Variants in ELMO1 observed in about 807,000 individuals in gnomAD.
ELMO1 encodes the protein engulfment and cell motility 1.
A neutral mutation model predicts 98.9 loss-of-function variants in ELMO1; 26 were observed. The observed-to-expected ratio is 0.26, with a 90% CI of 0.19 to 0.36. The LOEUF (loss-of-function observed/expected upper bound fraction) is 0.36, where lower values mean the gene tolerates loss of function less well. Ranked by LOEUF, ELMO1 falls within the 10% of genes least tolerant of loss-of-function variation. The pLI is 1.00. For missense variants in ELMO1, 627 were observed against 935.2 expected, an observed-to-expected ratio of 0.67 and a Z score of 4.30; for synonymous variants, 346 against 346.0, an observed-to-expected ratio of 1.00 and a Z score of 0.00.
intron 14 of ELMO1, among the ~76,000 whole-genome samples, chr7:37,113,559 C>A (rs1436745134): frequency 6.6e-6 from 1 of 152,036 alleles, no homozygotes; most frequent in Non-Finnish European, 1.5e-5. Context: ...GGAACAGATT[C>A]CTAGGAGAGA....
chr7:37,362,692 A>T (rs1047358259), intron 1 of ELMO1, among the ~76,000 whole-genome samples: 5 of 152,102 alleles, frequency 3.3e-5, no homozygotes, highest in African/African-American at 1.2e-4. Context: ...CAAATTTAAC[A>T]TATCAAAAAC....
intron 10 of ELMO1, 62 bp from the exon 11 acceptor site, chr7:37,216,757 C>T (rs1466001875): frequency 4.6e-5 from 73 of 1,575,676 alleles, no homozygotes; most frequent in Non-Finnish European, 6.1e-5. Flanking sequence ...TCGACATGGC[C>T]AAAAATGACC....
At chr7:36,883,306 A>G (rs1804644700) in intron 18 of ELMO1, among the ~76,000 whole-genome samples, 1 of 152,210 alleles carries the variant, frequency 6.6e-6, no homozygotes, top group Non-Finnish European at 1.5e-5. Flanking sequence ...AGGCCATTCA[A>G]TGCAAGTGAT....
chr7:36,987,441 G>A (rs545411957), intron 16 of ELMO1, among the ~76,000 whole-genome samples: 2 of 152,192 alleles, frequency 1.3e-5, no homozygotes, highest in Admixed American at 1.3e-4. Context: ...GTCACAGAAG[G>A]CACCGATTTG....
At chr7:37,098,515 G>A (rs1054709068) in intron 14 of ELMO1, among the ~76,000 whole-genome samples, 2 of 152,226 alleles carry the variant, frequency 1.3e-5, no homozygotes, top group Non-Finnish European at 2.9e-5. Context: ...ACCTTGCTAT[G>A]TCAAGGTATG....
chr7:37,369,834 G>A (rs752336843), intron 1 of ELMO1, among the ~76,000 whole-genome samples: 5 of 152,170 alleles, frequency 3.3e-5, no homozygotes, highest in South Asian at 2.1e-4. Flanking sequence ...CTCAGAAAAC[G>A]CCCTGAAATA....
intron 16 of ELMO1, among the ~76,000 whole-genome samples, chr7:37,011,989 G>T (rs1030454309): frequency 6.6e-6 from 1 of 152,146 alleles, no homozygotes; most frequent in African/African-American, 2.4e-5. Context: ...AATCAAGCCT[G>T]TCCTCCGGCA....
chr7:37,391,051 CCTT>C (rs1803054088), intron 1 of ELMO1, among the ~76,000 whole-genome samples: 1 of 149,208 alleles, frequency 6.7e-6, no homozygotes, highest in Non-Finnish European at 1.5e-5. Context: ...TTCCTTCCTT[CCTT>C]CCTTCCTCCC....
chr7:37,286,693 G>A (rs1797406780), intron 4 of ELMO1, among the ~76,000 whole-genome samples: 1 of 152,150 alleles, frequency 6.6e-6, no homozygotes, highest in African/African-American at 2.4e-5. Context: ...CTCAGGCAGA[G>A]GAAATAAATA....
intron 1 of ELMO1, among the ~76,000 whole-genome samples, chr7:37,432,040 C>T (rs1241595888): frequency 6.6e-6 from 1 of 152,152 alleles, no homozygotes; most frequent in Non-Finnish European, 1.5e-5. Flanking sequence ...TGCCACCACG[C>T]CTGGCTAATT....
intron 8 of ELMO1, among the ~76,000 whole-genome samples, chr7:37,229,892 C>T (rs745742728): frequency 6.6e-6 from 1 of 151,772 alleles, no homozygotes; most frequent in Non-Finnish European, 1.5e-5. Flanking sequence ...TACTTTCTTA[C>T]ATTTAATATG....
chr7:37,197,638 C>G (rs537656748), intron 13 of ELMO1, among the ~76,000 whole-genome samples: 2 of 152,308 alleles, frequency 1.3e-5, no homozygotes, highest in South Asian at 4.1e-4. Context: ...TGATGGCCAT[C>G]AAAAGCAGGT....
At chr7:37,040,803 G>T (rs751440128) in intron 15 of ELMO1, among the ~76,000 whole-genome samples, 1 of 152,128 alleles carries the variant, frequency 6.6e-6, no homozygotes, top group Non-Finnish European at 1.5e-5. Context: ...GGGGCTGGGC[G>T]TGGCAGCTCA....
intron 16 of ELMO1, among the ~76,000 whole-genome samples, chr7:36,924,272 C>G (rs552680316): frequency 2.6e-5 from 4 of 152,164 alleles, no homozygotes; most frequent in Non-Finnish European, 5.9e-5. Context: ...TGGGGGTGCA[C>G]TGAAACTGGG....
At chr7:37,445,853 C>T (rs1805592083) in intron 1 of ELMO1, among the ~76,000 whole-genome samples, 1 of 152,188 alleles carries the variant, frequency 6.6e-6, no homozygotes, top group Admixed American at 6.5e-5. Flanking sequence ...CCCTTACAAT[C>T]ATGCCCTTCC....
At chr7:36,898,608 C>A (rs901708994) in intron 16 of ELMO1, among the ~76,000 whole-genome samples, 1 of 152,200 alleles carries the variant, frequency 6.6e-6, no homozygotes, top group Non-Finnish European at 1.5e-5. Flanking sequence ...GCAAAGTCCA[C>A]CTATGTCCCC....
chr7:37,230,917 T>A (rs903549057), intron 8 of ELMO1, among the ~76,000 whole-genome samples: 5 of 152,190 alleles, frequency 3.3e-5, no homozygotes, highest in Non-Finnish European at 2.9e-5. Context: ...GGAAAGTACT[T>A]TATAACACAT....
intron 14 of ELMO1, among the ~76,000 whole-genome samples, chr7:37,129,047 G>C (rs2129295606): frequency 6.6e-6 from 1 of 152,108 alleles, no homozygotes; most frequent in South Asian, 2.1e-4. Flanking sequence ...CACATGATGT[G>C]GGACAGGCAC....
chr7:37,286,463 G>A (rs993519530), intron 4 of ELMO1, among the ~76,000 whole-genome samples: 1 of 152,178 alleles, frequency 6.6e-6, no homozygotes, highest in Admixed American at 6.5e-5. Context: ...CAACGTCTTG[G>A]GGCCTCCCTT....
Sources: allele counts gnomAD v4.1 joint callset (sites outside exome capture counted in the v4.1 genomes callset), GRCh38; gene constraint gnomAD v4.1.1; transcripts MANE v1.5; gene names NCBI Gene and HGNC (gene_info 2026-07-23, HGNC 2026-07-21).